The following FAT3 variants were observed in gnomAD, a reference collection of about 807,000 sequenced individuals.
FAT3 encodes the protein protocadherin Fat 3.
Under a neutral mutation model 310.2 loss-of-function variants are expected in FAT3, and 95 were observed. That is an observed-to-expected ratio of 0.31 (90% CI 0.26 to 0.36). FAT3 has a LOEUF of 0.36. Among genes scored for constraint, FAT3 ranks in the 10% least tolerant of loss-of-function variants. The pLI is 1.00. For synonymous variants in FAT3, 2,314 were observed against 2,192.9 expected (o/e 1.06, Z -1.54); for missense variants, 5,408 against 5,715.6 (o/e 0.95, Z 1.74).
chr11:92,409,645 C>T (rs923472100), intron 2 of FAT3, among the ~76,000 whole-genome samples: 3 of 152,064 alleles, frequency 2.0e-5, no homozygotes, highest in Admixed American at 1.3e-4. Context: ...TGGTCCCAGT[C>T]CTTGTATTTG....
intron 3 of FAT3, among the ~76,000 whole-genome samples, chr11:92,647,203 C>T (rs139677706): frequency 1.3e-5 from 2 of 152,132 alleles, no homozygotes; most frequent in Non-Finnish European, 2.9e-5. Context: ...GCTTTAATCT[C>T]TCTCAAAAAC....
intron 3 of FAT3, among the ~76,000 whole-genome samples, chr11:92,641,128 A>G (rs1295582355): frequency 6.6e-6 from 1 of 152,114 alleles, no homozygotes; most frequent in Non-Finnish European, 1.5e-5. Flanking sequence ...CCCAGGGATC[A>G]AGGCTGCAGT....
At chr11:92,286,017 G>A (rs555086330) in intron 1 of FAT3, among the ~76,000 whole-genome samples, 11 of 152,210 alleles carry the variant, frequency 7.2e-5, no homozygotes, top group Admixed American at 6.5e-4. Flanking sequence ...CCCGAGATGA[G>A]AGTGTCGGTA....
At chr11:92,552,447 GAAAC>G (rs1373142561) in intron 3 of FAT3, among the ~76,000 whole-genome samples, 1 of 151,986 alleles carries the variant, frequency 6.6e-6, no homozygotes, top group Non-Finnish European at 1.5e-5. Context: ...TATAGAGAAA[GAAAC>G]AAAAAATATT....
Position 92,891,127 on chromosome 11 carries a change from G to T in FAT3, c.*14G>T, listed in dbSNP as rs2136451224. ...ACTCAAGTGTAGACATCACATCTTG[G>T]GTACTTCACCCTGTTTGTTACAGAA... On this transcript the variant is annotated 3_prime_UTR_variant, in exon 28 of 28. Coordinates refer to ENST00000525166, the MANE Select transcript of FAT3 (RefSeq NM_001367949.2). 3.1e-6 allele frequency: 5 copies of T among 1,610,346 alleles called. No homozygotes were observed. Among genetic ancestry groups the T allele is most frequent in the Non-Finnish European group, 4.2e-6 (5 of 1,178,134 alleles).
At chr11:92,696,340 T>C (rs1943941772) in intron 3 of FAT3, among the ~76,000 whole-genome samples, 1 of 152,060 alleles carries the variant, frequency 6.6e-6, no homozygotes, top group African/African-American at 2.4e-5. Flanking sequence ...CTGAAGGCCG[T>C]GGGGAGCCAT....
At chr11:92,743,539 C>T (rs1945567504) in intron 4 of FAT3, among the ~76,000 whole-genome samples, 1 of 152,310 alleles carries the variant, frequency 6.6e-6, no homozygotes, top group Non-Finnish European at 1.5e-5. Flanking sequence ...ATAGCTTGTG[C>T]CCTATGCAGG....
At chr11:92,425,854 G>C (rs536109426) in intron 2 of FAT3, among the ~76,000 whole-genome samples, 1 of 152,168 alleles carries the variant, frequency 6.6e-6, no homozygotes, top group African/African-American at 2.4e-5. Context: ...ATGTGTGCAT[G>C]TGTCTTTATA....
At chr11:92,329,438 A>G (rs1195617841) in intron 1 of FAT3, among the ~76,000 whole-genome samples, 2 of 152,036 alleles carry the variant, frequency 1.3e-5, no homozygotes, top group Admixed American at 1.3e-4. Context: ...CATAGTAAGT[A>G]GAAGCAGCCT....
chr11:92,801,380 G>A lies in FAT3; in HGVS notation c.8367G>A (p.Leu2789=). Reference sequence around the variant, plus strand: ...TTAAAGTAGCAGCCACTATACCCCTGGACAAAGTAGACATTGTGTTTACTG... The same window carrying A: ...TTAAAGTAGCAGCCACTATACCCCTAGACAAAGTAGACATTGTGTTTACTG... The part of the protein sequence containing the change: ...FHFKVAATIP[L]DKVDIVFTVD... The change falls in exon 10 of 28, where the codon CTG becomes CTA. Residue 2789 remains leucine, a synonymous_variant. Transcript: ENST00000525166. 1 of 1,613,900 alleles carries A rather than the reference G, an allele frequency of 6.2e-7. No individual in the cohort carries two copies. Among genetic ancestry groups the A allele is most frequent in the Non-Finnish European group, 8.5e-7 (1 of 1,179,840 alleles).
Position 92,790,343 on chromosome 11 carries a change from A to G in FAT3, c.4611+125A>G, listed in dbSNP as rs886509072. 9.5e-6 allele frequency: 10 copies of G among 1,056,626 alleles called. No individual in the cohort carries two copies. The East Asian group carries it at 2.2e-4, about 23-fold the overall frequency. The allele number at this position is 1,056,626 out of a possible 1,614,324, so 65.5% of individuals were successfully genotyped here. A position where few individuals can be genotyped will look rare whatever the true frequency, so the allele number is the denominator to read the frequency against. On this transcript the variant is annotated intron_variant, in intron 8 of 27. Coordinates refer to ENST00000525166, the MANE Select transcript of FAT3 (RefSeq NM_001367949.2). ...AGTTGTAAATTTAGTCTTTTCACAGAGAGATTGCATTCATTTTTGCCTTTT... is the reference window on the plus strand; with the variant it reads ...AGTTGTAAATTTAGTCTTTTCACAGGGAGATTGCATTCATTTTTGCCTTTT...
At chr11:92,405,896 T>G (rs1051521810) in intron 2 of FAT3, among the ~76,000 whole-genome samples, 1 of 152,252 alleles carries the variant, frequency 6.6e-6, no homozygotes, top group Non-Finnish European at 1.5e-5. Context: ...AATTTAAAAT[T>G]TTCAGTGAGC....
At chr11:92,601,951 G>T (rs1237956333) in intron 3 of FAT3, among the ~76,000 whole-genome samples, 1 of 152,128 alleles carries the variant, frequency 6.6e-6, no homozygotes, top group Non-Finnish European at 1.5e-5. Context: ...GAAGACTGAT[G>T]TTCCAGCCAG....
At chr11:92,232,822 A>T (rs564631771) in intron 1 of FAT3, among the ~76,000 whole-genome samples, 2 of 151,942 alleles carry the variant, frequency 1.3e-5, no homozygotes, top group African/African-American at 4.8e-5. Context: ...TTATTGTGGA[A>T]TTTTTGGCCT....
intron 2 of FAT3, among the ~76,000 whole-genome samples, chr11:92,359,585 C>T (rs945822419): frequency 1.3e-5 from 2 of 149,544 alleles, no homozygotes; most frequent in East Asian, 2.0e-4. Context: ...CCCACTAACT[C>T]GTCATCTAGC....
chr11:92,616,516 A>G (rs1940814901), intron 3 of FAT3, among the ~76,000 whole-genome samples: 1 of 152,140 alleles, frequency 6.6e-6, no homozygotes, highest in South Asian at 2.1e-4. Context: ...TTGATCCATC[A>G]TTATGATGTT....
At chr11:92,868,707 A>G (rs1274152752) in intron 22 of FAT3, among the ~76,000 whole-genome samples, 1 of 152,236 alleles carries the variant, frequency 6.6e-6, no homozygotes, top group Non-Finnish European at 1.5e-5. Flanking sequence ...GGCTTCCACA[A>G]TGGATTATCT....
chr11:92,762,294 G>A (rs1946172367), intron 5 of FAT3, 124 bp downstream of exon 5: 1 of 978,576 alleles, frequency 1.0e-6, no homozygotes, highest in Non-Finnish European at 1.5e-6. Flanking sequence ...CTGTGGAAGG[G>A]TTCTTTCTGG....
intron 3 of FAT3, among the ~76,000 whole-genome samples, chr11:92,568,683 C>G (rs1311953564): frequency 6.6e-6 from 1 of 152,164 alleles, no homozygotes; most frequent in Non-Finnish European, 1.5e-5. Context: ...CTCTCTGCCT[C>G]CTGCCTGCTT....
Sources: gnomAD v4.1 joint callset for allele counts (sites outside exome capture counted in the v4.1 genomes callset) on GRCh38, gnomAD v4.1.1 for gene constraint, MANE v1.5 for transcripts, NCBI Gene and HGNC (gene_info 2026-07-23, HGNC 2026-07-21) for gene names.